ASPH: variants seen among roughly 807,000 people sequenced by gnomAD.
The protein encoded by ASPH is aspartate beta-hydroxylase, also known as aspartyl/asparaginyl beta-hydroxylase.
In ASPH, 100 loss-of-function variants were observed where a neutral mutation model predicts 118.4. The observed-to-expected ratio is 0.84, with a 90% CI of 0.72 to 1.00. The LOEUF (loss-of-function observed/expected upper bound fraction) is 1.00, where lower values mean the gene tolerates loss of function less well. Among genes scored for constraint, ASPH ranks in the 50% least tolerant of loss-of-function variants. The pLI, the probability that ASPH is intolerant of heterozygous loss-of-function variation, is 0.00. For missense variants in ASPH, 920 were observed against 919.5 expected, an observed-to-expected ratio of 1.00 and a Z score of -0.01; for synonymous variants, 315 against 325.6, an observed-to-expected ratio of 0.97 and a Z score of 0.35.
At chr8:61,617,526 C>G (rs572599921) in intron 14 of ASPH, among the ~76,000 whole-genome samples, 369 of 152,252 alleles carry the variant, frequency 2.4e-3, no homozygotes, top group Non-Finnish European at 3.7e-3. Context: ...GTATGATGAT[C>G]GAGCTAATCT....
At chr8:61,592,158 G>A (rs1841329441) in intron 14 of ASPH, among the ~76,000 whole-genome samples, 1 of 152,046 alleles carries the variant, frequency 6.6e-6, no homozygotes, top group African/African-American at 2.4e-5. Context: ...CACGAAATGG[G>A]GATAATATCT....
At chr8:61,708,226 G>A (rs891697367) in intron 1 of ASPH, among the ~76,000 whole-genome samples, 1 of 152,094 alleles carries the variant, frequency 6.6e-6, no homozygotes, top group African/African-American at 2.4e-5. Flanking sequence ...GCAATACACA[G>A]AAATATTTTT....
intron 14 of ASPH, among the ~76,000 whole-genome samples, chr8:61,615,928 A>C (rs1400943640): frequency 6.6e-6 from 1 of 152,178 alleles, no homozygotes; most frequent in African/African-American, 2.4e-5. Context: ...ACCAGATAAC[A>C]GTATCATATG....
intron 4 of ASPH, among the ~76,000 whole-genome samples, chr8:61,651,662 T>G (rs567881137): frequency 6.6e-6 from 1 of 152,336 alleles, no homozygotes; most frequent in African/African-American, 2.4e-5. Flanking sequence ...TCAGGAAGTG[T>G]CAGTAGAAAA....
At chr8:61,714,047 C>T (rs939690801) in intron 1 of ASPH, among the ~76,000 whole-genome samples, 6 of 152,254 alleles carry the variant, frequency 3.9e-5, no homozygotes, top group Admixed American at 3.9e-4. Context: ...CTCCCCGAGA[C>T]TAGCATCCCG....
intron 14 of ASPH, among the ~76,000 whole-genome samples, chr8:61,594,680 T>A (rs1842059014): frequency 6.6e-6 from 1 of 152,234 alleles, no homozygotes; most frequent in South Asian, 2.1e-4. Flanking sequence ...GTTATAATGT[T>A]TCTATTTTAT....
At chr8:61,632,720 G>T in intron 13 of ASPH, 9 of 431,486 alleles carry the variant, frequency 2.1e-5, no homozygotes, top group Middle Eastern at 3.5e-4. Context: ...CAAAACCTAA[G>T]GCATCCCACA....
At chr8:61,527,179 T>G (rs945318160) in intron 21 of ASPH, among the ~76,000 whole-genome samples, 1 of 152,206 alleles carries the variant, frequency 6.6e-6, no homozygotes, top group Non-Finnish European at 1.5e-5. Flanking sequence ...CAGATTTTTA[T>G]GGAAAAATGG....
intron 3 of ASPH, chr8:61,660,254 G>A (rs954217966): frequency 2.6e-5 from 4 of 151,968 alleles, no homozygotes; most frequent in African/African-American, 9.7e-5. Context: ...TACCTATTTT[G>A]GCCCATCCCA....
chr8:61,618,503 A>C (rs1324190895), intron 14 of ASPH, among the ~76,000 whole-genome samples: 1 of 152,212 alleles, frequency 6.6e-6, no homozygotes, highest in Non-Finnish European at 1.5e-5. Context: ...AAAAGATATC[A>C]TGTTCTAGGA....
chr8:61,714,075 C>T (rs1838747808), intron 1 of ASPH, among the ~76,000 whole-genome samples, 194 bp downstream of exon 1: 1 of 152,224 alleles, frequency 6.6e-6, no homozygotes, highest in Non-Finnish European at 1.5e-5. Context: ...GGACCCCGGT[C>T]CGCCTGGCCC....
intron 5 of ASPH, among the ~76,000 whole-genome samples, chr8:61,647,965 T>A (rs187260294): frequency 7.1e-4 from 108 of 152,258 alleles, no homozygotes; most frequent in Non-Finnish European, 1.1e-3. Context: ...CTCCTGTGTA[T>A]AATACTCTAA....
chr8:61,658,560 C>G (rs1232236274), intron 3 of ASPH: 1 of 152,202 alleles, frequency 6.6e-6, no homozygotes, highest in Non-Finnish European at 1.5e-5. Context: ...CACAGCTACA[C>G]TTTTTGGTTT....
At chr8:61,553,726 G>C (rs7822584) in intron 19 of ASPH, among the ~76,000 whole-genome samples, 28,917 of 151,856 alleles carry the variant, frequency 0.19, 5,125 homozygotes, top group African/African-American at 0.46. Context: ...CTCACACAAG[G>C]ACTGAAATTG....
chr8:61,578,504 C>T, intron 15 of ASPH: 2 of 1,585,534 alleles, frequency 1.3e-6, no homozygotes, highest in African/African-American at 1.3e-5. Flanking sequence ...AGGAGCAGAT[C>T]AAGACCCTCA....
chr8:61,714,284 G>GGCTGCT lies in ASPH; in HGVS notation c.82_87dup (p.Ser28_Ser29dup). The stretch of plus-strand genomic sequence containing the variant: ...GGCCTCTGACCTCTCCGGGCCCCGG[G>GGCTGCT]GCTGCTGCTGCCCGCACTCGTGCTA... On this transcript the variant is annotated inframe_insertion, in exon 1 of 25. Transcript: ENST00000379454. The GGCTGCT allele has an allele frequency of 6.6e-7, 1 of 1,519,510 alleles. No individual in the cohort carries two copies. Among genetic ancestry groups the GGCTGCT allele is most frequent in the Non-Finnish European group, 8.8e-7 (1 of 1,135,754 alleles). The allele number at this position is 1,519,510 out of a possible 1,614,324, so 94.1% of individuals were successfully genotyped here.
chr8:61,609,741 A>G (rs1001743607), intron 14 of ASPH, among the ~76,000 whole-genome samples: 42 of 152,224 alleles, frequency 2.8e-4, no homozygotes, highest in African/African-American at 9.6e-4. Context: ...ATTATATTAG[A>G]AGAATGAAAA....
In ASPH at chr8:61,585,452, G is replaced by A. The variant is rs565030382; in HGVS notation, c.977-1423C>T. 6.6e-4 allele frequency among the ~76,000 whole-genome samples: 100 copies of A among 152,288 alleles called. 1 individual carries two copies. The South Asian group carries it at 0.02, about 31-fold the overall frequency. The stretch of plus-strand genomic sequence containing the variant: ...ATTTTCTGACAATAAACCTACAGAC[G>A]TTAATAGCTTCTTCCCTATCTTGTC... On this transcript the variant is annotated intron_variant, in intron 14 of 24. Transcript: ENST00000379454.
chr8:61,589,747 G>A (rs1490923410), intron 14 of ASPH, among the ~76,000 whole-genome samples: 1 of 152,168 alleles, frequency 6.6e-6, no homozygotes, highest in Non-Finnish European at 1.5e-5. Context: ...ATTTGTTAAA[G>A]TGCCCGTTTT....
Sources: gnomAD v4.1 joint callset for allele counts (sites outside exome capture counted in the v4.1 genomes callset) on GRCh38, gnomAD v4.1.1 for gene constraint, MANE v1.5 for transcripts, NCBI Gene and HGNC (gene_info 2026-07-23, HGNC 2026-07-21) for gene names.